ZBBX: variants seen among roughly 807,000 people sequenced by gnomAD.
The protein encoded by ZBBX is zinc finger B-box domain containing.
ZBBX carries 101 observed loss-of-function variants against 108.5 expected under a neutral mutation model. The observed-to-expected ratio is 0.93, with a 90% CI of 0.79 to 1.10. The LOEUF (loss-of-function observed/expected upper bound fraction) is 1.10. ZBBX is among the 50% of genes least tolerant of loss of function. The pLI, the probability that ZBBX is intolerant of heterozygous loss-of-function variation, is 0.00. For missense variants in ZBBX, 1,009 were observed against 941.4 expected, an observed-to-expected ratio of 1.07 and a Z score of -0.94; for synonymous variants, 356 against 323.4, an observed-to-expected ratio of 1.10 and a Z score of -1.08.
the ZBBX span, among the ~76,000 whole-genome samples, chr3:167,192,118 A>G: frequency 6.6e-6 from 1 of 151,790 alleles, no homozygotes; most frequent in Non-Finnish European, 1.5e-5. Context: ...TTTGGGCTTC[A>G]TACTTTTAGT....
At chr3:167,280,187 G>A (rs1728518699) in intron 20 of ZBBX, among the ~76,000 whole-genome samples, 1 of 151,948 alleles carries the variant, frequency 6.6e-6, no homozygotes, top group South Asian at 2.1e-4. Context: ...CACAGGCATG[G>A]GCAAGGACTT....
intron 8 of ZBBX, among the ~76,000 whole-genome samples, chr3:167,358,379 G>A (rs1328541448): frequency 6.6e-6 from 1 of 151,926 alleles, no homozygotes; most frequent in Non-Finnish European, 1.5e-5. Flanking sequence ...TGGGGGGAAT[G>A]GGGATGGGGA....
intron 20 of ZBBX, among the ~76,000 whole-genome samples, chr3:167,267,782 G>A (rs554500718): frequency 8.5e-5 from 13 of 152,204 alleles, no homozygotes; most frequent in South Asian, 6.2e-4. Context: ...GGAAAAGCCC[G>A]ATCTAGCATC....
rs1043747814 is a variant in ZBBX, at chr3:167,242,601, G to T, written c.2297C>A (p.Pro766Gln). ...ATTCAGTGATTGGCTGCTGAAATCTGGGAACTCTTCTGAGGTTAAGCTGTA... is the reference window on the plus strand; with the variant it reads ...ATTCAGTGATTGGCTGCTGAAATCTTGGAACTCTTCTGAGGTTAAGCTGTA... Reference protein sequence around the residue: ...KLYSLTSEEFPDFSSQSLNIS... With the variant: ...KLYSLTSEEFQDFSSQSLNIS... The change falls in exon 21 of 22, where the codon CCA becomes CAA. Residue 766 changes from proline (P) to glutamine (Q), a missense_variant. Pro to Gln is a moderately conservative substitution (Grantham distance 76, BLOSUM62 -1). Coordinates refer to ENST00000675490, the MANE Select transcript of ZBBX (RefSeq NM_001199201.2). The T allele has an allele frequency of 1.2e-6, 2 of 1,613,428 alleles. No homozygotes were observed. Among genetic ancestry groups the T allele is most frequent in the African/African-American group, 2.7e-5 (2 of 74,870 alleles).
rs1023251143 is a variant in ZBBX at position 167,333,706 on chromosome 3, A to G, written c.687+121T>C. ...TATTTGGTTAATGAAGAACAAATCC[A>G]TATGAAATAAAAATGTGATGAAATT... On this transcript the variant is annotated intron_variant, in intron 10 of 21. Coordinates refer to ENST00000675490, the MANE Select transcript of ZBBX (RefSeq NM_001199201.2). 6.7e-6 allele frequency: 6 copies of G among 893,326 alleles called. No individual in the cohort carries two copies. The African/African-American group carries it at 1.0e-4, about 15-fold the overall frequency. The allele number at this position is 893,326 out of a possible 1,614,324, so 55.3% of individuals were successfully genotyped here.
chr3:167,352,564 T>C (rs760258373), intron 8 of ZBBX, among the ~76,000 whole-genome samples: 1 of 151,952 alleles, frequency 6.6e-6, no homozygotes, highest in Non-Finnish European at 1.5e-5. Context: ...AAAGAAAAAT[T>C]GATACCAATA....
chr3:167,227,508 A>T, the ZBBX span, among the ~76,000 whole-genome samples: 5 of 151,672 alleles, frequency 3.3e-5, no homozygotes, highest in East Asian at 9.7e-4. Flanking sequence ...CAAATTTGCT[A>T]TTCAGATATC....
the ZBBX span, among the ~76,000 whole-genome samples, chr3:167,209,516 T>C: frequency 6.6e-6 from 1 of 152,160 alleles, no homozygotes; most frequent in African/African-American, 2.4e-5. Context: ...CTGCAAGAAA[T>C]AGTGTTACTA....
chr3:167,317,713 G>A (rs4580553), intron 12 of ZBBX, 116 bp from the exon 13 acceptor site: 469,487 of 588,590 alleles, frequency 0.8, 188,401 homozygotes, highest in African/African-American at 0.93. Flanking sequence ...TGATGAAACC[G>A]TAACTGTACC....
chr3:167,320,967 T>G (rs1467846134), intron 12 of ZBBX, among the ~76,000 whole-genome samples: 1 of 152,064 alleles, frequency 6.6e-6, no homozygotes, highest in Non-Finnish European at 1.5e-5. Context: ...AATCCTGGAC[T>G]GGATCCTGGA....
At chr3:167,287,506 A>G (rs1729913698) in intron 19 of ZBBX, among the ~76,000 whole-genome samples, 1 of 152,154 alleles carries the variant, frequency 6.6e-6, no homozygotes, top group Non-Finnish European at 1.5e-5. Context: ...GCTCTTAAGC[A>G]ATAGAGATAA....
At chr3:167,353,822 A>G (rs909893955) in intron 8 of ZBBX, among the ~76,000 whole-genome samples, 1 of 152,030 alleles carries the variant, frequency 6.6e-6, no homozygotes, top group African/African-American at 2.4e-5. Flanking sequence ...ATACAAGCTA[A>G]TAGTGGTGGG....
chr3:167,181,842 G>T, the ZBBX span, among the ~76,000 whole-genome samples: 1 of 152,056 alleles, frequency 6.6e-6, no homozygotes, highest in African/African-American at 2.4e-5. Context: ...TACTGTCCCC[G>T]CTGGCAAGGG....
the ZBBX span, among the ~76,000 whole-genome samples, chr3:167,180,984 G>A: frequency 6.6e-6 from 1 of 152,092 alleles, no homozygotes; most frequent in African/African-American, 2.4e-5. Flanking sequence ...GGAACTATGT[G>A]TCCTTTTTCT....
chr3:167,367,615 T>C (rs989437326), intron 5 of ZBBX, among the ~76,000 whole-genome samples: 8 of 150,736 alleles, frequency 5.3e-5, no homozygotes, highest in Non-Finnish European at 8.9e-5. Flanking sequence ...CGATACAATA[T>C]ATGCAACAGA....
At chr3:167,268,214 C>T (rs1178742678) in intron 20 of ZBBX, among the ~76,000 whole-genome samples, 1 of 151,956 alleles carries the variant, frequency 6.6e-6, no homozygotes, top group African/African-American at 2.4e-5. Flanking sequence ...AAAGAAGGAA[C>T]TTAAGCCATT....
chr3:167,238,119 G>A (rs1241928035), downstream of ZBBX, among the ~76,000 whole-genome samples: 2 of 151,928 alleles, frequency 1.3e-5, no homozygotes, highest in African/African-American at 4.8e-5. Context: ...GAGCAGATAT[G>A]CTAAAATATG....
At chr3:167,223,598 CA>C in the ZBBX span, among the ~76,000 whole-genome samples, 1 of 151,852 alleles carries the variant, frequency 6.6e-6, no homozygotes, top group African/African-American at 2.4e-5. Context: ...TCTTTCATGT[CA>C]ATTCTAGCTT....
At chr3:167,386,060 T>G (rs1747913260) in intron 1 of ZBBX, among the ~76,000 whole-genome samples, 1 of 151,934 alleles carries the variant, frequency 6.6e-6, no homozygotes, top group Non-Finnish European at 1.5e-5. Flanking sequence ...GATACTCTCC[T>G]GTGAGAATAA....
Sources: gnomAD v4.1 joint callset for allele counts (sites outside exome capture counted in the v4.1 genomes callset) on GRCh38, gnomAD v4.1.1 for gene constraint, MANE v1.5 for transcripts, NCBI Gene and HGNC (gene_info 2026-07-23, HGNC 2026-07-21) for gene names.